The following MTA3 variants were observed in gnomAD, a reference collection of about 807,000 sequenced individuals.
MTA3 encodes the protein metastasis-associated protein MTA3.
MTA3 carries 34 observed loss-of-function variants against 83.5 expected under a neutral mutation model. The ratio of observed to expected loss-of-function variants is 0.41; its 90% CI spans 0.31 to 0.54. The LOEUF (loss-of-function observed/expected upper bound fraction) is 0.54. Ranked by LOEUF, MTA3 falls within the 20% of genes least tolerant of loss-of-function variation. The pLI is 0.33. For missense variants in MTA3, 761 were observed against 726.4 expected (o/e 1.05, Z -0.55); for synonymous variants, 303 against 252.7 (o/e 1.20, Z -1.89).
intron 2 of MTA3, among the ~76,000 whole-genome samples, chr2:42,547,489 C>T (rs1676809309): frequency 6.6e-6 from 1 of 152,250 alleles, no homozygotes; most frequent in African/African-American, 2.4e-5. Flanking sequence ...CGCCAACGCG[C>T]CCGGCTAATT....
At chr2:42,524,888 A>G (rs374101198) in intron 2 of MTA3, among the ~76,000 whole-genome samples, 2 of 141,698 alleles carry the variant, frequency 1.4e-5, no homozygotes, top group Non-Finnish European at 3.1e-5. Context: ...GCCTGAAGGC[A>G]TCCTGGCGGG....
At chr2:42,590,634 T>TTTG (rs1553351759) in intron 3 of MTA3, among the ~76,000 whole-genome samples, 8 of 16,618 alleles carry the variant, frequency 4.8e-4, no homozygotes, top group Admixed American at 9.8e-4. Flanking sequence ...TTTTTTTTTG[T>TTTG]GAGGTGGAGT....
At chr2:42,691,794 T>TCTTG (rs1196026475) in intron 9 of MTA3, among the ~76,000 whole-genome samples, 1 of 152,232 alleles carries the variant, frequency 6.6e-6, no homozygotes, top group African/African-American at 2.4e-5. Context: ...GATATACTAT[T>TCTTG]CTTGGGTAAA....
chr2:42,718,611 A>G (rs1667191944), intron 14 of MTA3, among the ~76,000 whole-genome samples: 1 of 151,756 alleles, frequency 6.6e-6, no homozygotes, highest in African/African-American at 2.4e-5. Flanking sequence ...AAAAACACAA[A>G]AATTAGCCCA....
intron 6 of MTA3, among the ~76,000 whole-genome samples, chr2:42,646,115 A>G (rs1688156992): frequency 6.6e-6 from 1 of 152,190 alleles, no homozygotes; most frequent in East Asian, 1.9e-4. Context: ...AAATGACAGC[A>G]CCTCTATTTA....
chr2:42,558,310 C>T (rs933773445), intron 2 of MTA3, among the ~76,000 whole-genome samples: 7 of 147,266 alleles, frequency 4.8e-5, no homozygotes, highest in Admixed American at 7.0e-5. Context: ...GGCATGATCT[C>T]GGCTCACTGC....
At chr2:42,665,004 A>G (rs1317401621) in intron 8 of MTA3, among the ~76,000 whole-genome samples, 4 of 152,240 alleles carry the variant, frequency 2.6e-5, no homozygotes, top group Non-Finnish European at 5.9e-5. Flanking sequence ...CTAATCTAAA[A>G]TATATAAGAT....
At chr2:42,679,220 C>T (rs553531547) in intron 8 of MTA3, among the ~76,000 whole-genome samples, 4 of 152,220 alleles carry the variant, frequency 2.6e-5, no homozygotes, top group Admixed American at 2.0e-4. Context: ...AACATCACTG[C>T]GATTATACTT....
chr2:42,589,001 G>A (rs1680663575), intron 3 of MTA3, among the ~76,000 whole-genome samples: 1 of 152,094 alleles, frequency 6.6e-6, no homozygotes, highest in South Asian at 2.1e-4. Context: ...TTACTGATTG[G>A]ATGAGGCCCA....
chr2:42,562,929 C>T (rs1677736735), intron 2 of MTA3, among the ~76,000 whole-genome samples: 1 of 152,186 alleles, frequency 6.6e-6, no homozygotes, highest in Admixed American at 6.6e-5. Flanking sequence ...GCCTTTCCTC[C>T]TGTATGCTTT....
intron 10 of MTA3, among the ~76,000 whole-genome samples, chr2:42,697,414 G>A (rs1316748159): frequency 6.6e-6 from 1 of 152,184 alleles, no homozygotes; most frequent in African/African-American, 2.4e-5. Flanking sequence ...GAGTGTGTGT[G>A]TTTTCTTCTA....
At chr2:42,681,902 GA>G (rs113382504) in intron 8 of MTA3, among the ~76,000 whole-genome samples, 80 of 140,694 alleles carry the variant, frequency 5.7e-4, no homozygotes, top group African/African-American at 7.6e-4. Flanking sequence ...AAAAAAGAAA[GA>G]AAAAAAAAAG....
chr2:42,579,814 A>G (rs991104582), intron 3 of MTA3, among the ~76,000 whole-genome samples: 1 of 150,486 alleles, frequency 6.6e-6, no homozygotes, highest in Non-Finnish European at 1.5e-5. Flanking sequence ...CCTCTCAAAG[A>G]GCTAGGATTA....
chr2:42,711,914 T>A (rs1437049647), intron 14 of MTA3, among the ~76,000 whole-genome samples: 1 of 152,056 alleles, frequency 6.6e-6, no homozygotes, highest in East Asian at 1.9e-4. Context: ...GAATGTACTT[T>A]CAGATAAGGC....
chr2:42,514,383 TTTTG>T (rs1483418004), intron 2 of MTA3, among the ~76,000 whole-genome samples: 11 of 152,238 alleles, frequency 7.2e-5, no homozygotes, highest in East Asian at 5.8e-4. Flanking sequence ...GTATGTGGTT[TTTTG>T]TTTGTTTGTT....
intron 16 of MTA3, among the ~76,000 whole-genome samples, chr2:42,745,336 C>G (rs1241324625): frequency 6.6e-6 from 1 of 152,108 alleles, no homozygotes; most frequent in South Asian, 2.1e-4. Flanking sequence ...AGCCAGTGAG[C>G]AAGACCAAGA....
chr2:42,635,501 A>G (rs1288542405), intron 4 of MTA3, among the ~76,000 whole-genome samples: 2 of 152,032 alleles, frequency 1.3e-5, no homozygotes, highest in Non-Finnish European at 2.9e-5. Flanking sequence ...GATGGTGGGC[A>G]TCTGTAATCC....
At chr2:42,618,745 C>T (rs1685200857) in intron 4 of MTA3, among the ~76,000 whole-genome samples, 1 of 152,032 alleles carries the variant, frequency 6.6e-6, no homozygotes, top group South Asian at 2.1e-4. Flanking sequence ...GTATCTGGGA[C>T]TACAGGCATG....
At chr2:42,733,233 G>A (rs1222536923) in intron 16 of MTA3, among the ~76,000 whole-genome samples, 1 of 152,218 alleles carries the variant, frequency 6.6e-6, no homozygotes, top group Non-Finnish European at 1.5e-5. Flanking sequence ...GGCTGGGGAG[G>A]CCTCAGAATC....
Sources: gnomAD v4.1 joint callset for allele counts (sites outside exome capture counted in the v4.1 genomes callset) on GRCh38, gnomAD v4.1.1 for gene constraint, MANE v1.5 for transcripts, NCBI Gene and HGNC (gene_info 2026-07-23, HGNC 2026-07-21) for gene names.